Variants in CFTR observed in about 807,000 individuals in gnomAD.
CFTR encodes CF transmembrane conductance regulator.
A neutral mutation model predicts 171.6 loss-of-function variants in CFTR; 181 were observed. The observed-to-expected ratio is 1.05, with a 90% CI of 0.93 to 1.19. The LOEUF (loss-of-function observed/expected upper bound fraction) is 1.19, where lower values mean the gene tolerates loss of function less well. CFTR is among the 50% of genes most tolerant of loss of function. The pLI, the probability that CFTR is intolerant of heterozygous loss-of-function variation, is 0.00. For synonymous variants in CFTR, 583 were observed against 608.0 expected (o/e 0.96, Z 0.60); for missense variants, 1,968 against 1,734.7 (o/e 1.13, Z -2.39).
chr7:117,632,424 C>T (rs761211934), intron 22 of CFTR, among the ~76,000 whole-genome samples: 6 of 151,552 alleles, frequency 4.0e-5, no homozygotes, highest in East Asian at 1.9e-4. Flanking sequence ...ATTAGGTGGG[C>T]GTGTGTTGTG....
At position 117,534,255 on chromosome 7, in the gene CFTR, A is replaced by G. The variant is rs200730334; in HGVS notation, c.490-21A>G. ...TGTATTTTGTTTGTTGAAATTATCT[A>G]ACTTTCCATTTTTCTTTTAGACTTT... On this transcript the variant is annotated intron_variant, in intron 4 of 26. Coordinates refer to ENST00000003084, the MANE Select transcript of CFTR (RefSeq NM_000492.4). 1.1e-5 allele frequency: 13 copies of G among 1,179,040 alleles called. No homozygotes were observed. The Admixed American group carries it at 1.9e-4, about 17-fold the overall frequency. The allele number at this position is 1,179,040 out of a possible 1,614,324, so 73.0% of individuals were successfully genotyped here.
Position 117,606,668 on chromosome 7 carries a change from T to C in CFTR, c.2909-6T>C, listed in dbSNP as rs369612622. 4.8e-5 allele frequency: 70 copies of C among 1,466,678 alleles called. No individual in the cohort carries two copies. In the South Asian group the frequency reaches 7.7e-4, roughly 16 times the overall value. 90.9% of individuals were successfully genotyped at this position (1,466,678 alleles called of 1,614,324 possible). A position where few individuals can be genotyped will look rare whatever the true frequency, so the allele number is the denominator to read the frequency against. Reference sequence around the variant, plus strand: ...TTTGAGGAATTTGTCATCTTGTATATTATAGGTGGGATTCTTAATAGATTC... The same window carrying C: ...TTTGAGGAATTTGTCATCTTGTATACTATAGGTGGGATTCTTAATAGATTC... On this transcript the variant is annotated splice_polypyrimidine_tract_variant and splice_region_variant and intron_variant, in intron 17 of 26. Coordinates refer to ENST00000003084, the MANE Select transcript of CFTR (RefSeq NM_000492.4).
intron 11 of CFTR, among the ~76,000 whole-genome samples, chr7:117,581,534 A>G (rs1256951641): frequency 6.6e-6 from 1 of 152,158 alleles, no homozygotes; most frequent in Non-Finnish European, 1.5e-5. Flanking sequence ...AGTGTATATT[A>G]TGGGCCAGCC....
intron 1 of CFTR, among the ~76,000 whole-genome samples, chr7:117,490,153 T>G (rs1798134516): frequency 1.3e-5 from 2 of 152,010 alleles, no homozygotes; most frequent in African/African-American, 4.8e-5. Context: ...CAATGTGATC[T>G]TAGGCAATTT....
chr7:117,656,552 T>G (rs35657815), intron 24 of CFTR, among the ~76,000 whole-genome samples: 9 of 152,188 alleles, frequency 5.9e-5, no homozygotes, highest in Non-Finnish European at 8.8e-5. Flanking sequence ...GAGAGCATTA[T>G]ACAGAGGAAT....
chr7:117,551,516 C>T (rs981036326), intron 10 of CFTR, among the ~76,000 whole-genome samples: 8 of 152,122 alleles, frequency 5.3e-5, no homozygotes, highest in African/African-American at 1.9e-4. Context: ...TTGTCACTCT[C>T]CCCTATTAAT....
intron 20 of CFTR, among the ~76,000 whole-genome samples, chr7:117,613,998 T>A (rs34795348): frequency 5.1e-5 from 7 of 136,634 alleles, no homozygotes; most frequent in African/African-American, 1.4e-4. Flanking sequence ...GGTACAGTAA[T>A]CTTTTTTTTT....
intron 15 of CFTR, among the ~76,000 whole-genome samples, chr7:117,596,204 T>C (rs572071071): frequency 4.0e-5 from 6 of 151,692 alleles, no homozygotes; most frequent in Non-Finnish European, 5.9e-5. Flanking sequence ...GCGCGAGTTC[T>C]GGGTGGGTGT....
intron 1 of CFTR, among the ~76,000 whole-genome samples, chr7:117,481,614 A>G (rs1014161880): frequency 2.0e-5 from 3 of 152,190 alleles, no homozygotes; most frequent in African/African-American, 7.2e-5. Flanking sequence ...AAGGCTGCTA[A>G]GTGTGTTAAG....
At chr7:117,650,092 C>T (rs1032298139) in intron 23 of CFTR, among the ~76,000 whole-genome samples, 6 of 151,946 alleles carry the variant, frequency 3.9e-5, no homozygotes, top group South Asian at 4.2e-4. Context: ...CATGTAGGGT[C>T]GTGTAGGCCA....
intron 11 of CFTR, among the ~76,000 whole-genome samples, chr7:117,570,345 C>T (rs982807282): frequency 2.0e-5 from 3 of 152,102 alleles, no homozygotes; most frequent in African/African-American, 7.2e-5. Flanking sequence ...GTTTGGGAAG[C>T]GTAGTGCTTA....
chr7:117,531,016 T>C lies in CFTR; in HGVS notation c.391T>C (p.Phe131Leu), dbSNP rs780492177. 4 of 1,613,688 alleles carry C rather than the reference T, an allele frequency of 2.5e-6. No homozygotes were observed. In the South Asian group the frequency reaches 3.3e-5, roughly 13 times the overall value. Residue 131 changes from phenylalanine to leucine, a missense_variant, in exon 4 of 27, where the codon TTT becomes CTT. By Grantham distance (22) the Phe-to-Leu change is conservative (BLOSUM62 0). Transcript: ENST00000003084. ...IYLGIGLCLL[F>L]IVRTLLLHPA... ...TCTAGGCATAGGCTTATGCCTTCTC[T>C]TTATTGTGAGGACACTGCTCCTACA...
In CFTR at chr7:117,612,015, A is replaced by ATATATG. The variant is rs1792400013; in HGVS notation, c.3367+212_3367+213insGTATAT. Among the ~76,000 whole-genome samples the ATATATG allele has an allele frequency of 4.7e-4, 21 of 44,668 alleles. No homozygotes were observed. The South Asian group carries it at 0.011, about 23-fold the overall frequency. The allele number at this position is 44,668 out of a possible 152,430, so 29.3% of individuals were successfully genotyped here. A position where few individuals can be genotyped will look rare whatever the true frequency, so the allele number is the denominator to read the frequency against. ...AATTTCCTTGAAATCGGATATATAT[A>ATATATG]TATATATGTATATATATATATATAT... On this transcript the variant is annotated intron_variant, in intron 20 of 26. Transcript: ENST00000003084.
At chr7:117,617,464 G>A (rs568745582) in intron 21 of CFTR, among the ~76,000 whole-genome samples, 19 of 151,896 alleles carry the variant, frequency 1.3e-4, no homozygotes, top group African/African-American at 3.4e-4. Flanking sequence ...ATTTTCCTAC[G>A]AAATTCCTTA....
chr7:117,576,863 A>G (rs1742805824), intron 11 of CFTR, among the ~76,000 whole-genome samples: 1 of 145,576 alleles, frequency 6.9e-6, no homozygotes, highest in African/African-American at 2.6e-5. Flanking sequence ...TGTCTCTGTT[A>G]TCTAAAATAC....
chr7:117,637,309 T>C (rs1303578361), intron 22 of CFTR, among the ~76,000 whole-genome samples: 2 of 151,272 alleles, frequency 1.3e-5, no homozygotes, highest in African/African-American at 2.4e-5. Flanking sequence ...CTGTAGTAAA[T>C]AGGCCTTTAG....
chr7:117,616,528 G>T, intron 21 of CFTR, among the ~76,000 whole-genome samples: 1 of 151,932 alleles, frequency 6.6e-6, no homozygotes, highest in South Asian at 2.1e-4. Flanking sequence ...TAATTTTCTT[G>T]GTTTACATAG....
intron 11 of CFTR, among the ~76,000 whole-genome samples, chr7:117,563,547 A>G (rs1323630782): frequency 6.6e-6 from 1 of 152,130 alleles, no homozygotes; most frequent in Non-Finnish European, 1.5e-5. Flanking sequence ...GTTTAAGATT[A>G]AGGACTCCAT....
At chr7:117,618,997 A>G (rs1436842038) in intron 21 of CFTR, among the ~76,000 whole-genome samples, 1 of 152,204 alleles carries the variant, frequency 6.6e-6, no homozygotes, top group African/African-American at 2.4e-5. Context: ...TTATTTTAAC[A>G]TAAATTGTGG....
Sources: allele counts gnomAD v4.1 joint callset (sites outside exome capture counted in the v4.1 genomes callset), GRCh38; gene constraint gnomAD v4.1.1; transcripts MANE v1.5; gene names NCBI Gene and HGNC (gene_info 2026-07-23, HGNC 2026-07-21).